CERS6: variants seen among roughly 807,000 people sequenced by gnomAD.
CERS6 encodes the protein LAG1 homolog, ceramide synthase 6.
A neutral mutation model predicts 56.8 loss-of-function variants in CERS6; 26 were observed. The ratio of observed to expected loss-of-function variants is 0.46; its 90% confidence interval spans 0.34 to 0.63. The LOEUF is 0.63. Among genes scored for constraint, CERS6 ranks in the 30% least tolerant of loss-of-function variants. The probability of loss-of-function intolerance (pLI) is 0.01; values close to 1 mark genes in which losing one functional copy is unlikely to be tolerated. For synonymous variants in CERS6, 164 were observed against 173.3 expected, an observed-to-expected ratio of 0.95 and a Z score of 0.42; for missense variants, 415 against 467.5, an observed-to-expected ratio of 0.89 and a Z score of 1.04.
At chr2:168,766,847 C>T (rs954589076) in intron 9 of CERS6, among the ~76,000 whole-genome samples, 4 of 152,180 alleles carry the variant, frequency 2.6e-5, no homozygotes, top group Non-Finnish European at 5.9e-5. Flanking sequence ...CAGGGGAAGT[C>T]GGGGCATCTA....
intron 1 of CERS6, among the ~76,000 whole-genome samples, chr2:168,509,910 A>AACAG (rs2105349861): frequency 6.6e-6 from 1 of 152,260 alleles, no homozygotes; most frequent in East Asian, 1.9e-4. Flanking sequence ...TAAACAAACA[A>AACAG]ACAAACACAG....
chr2:168,551,432 G>C (rs763824578), intron 2 of CERS6, among the ~76,000 whole-genome samples: 7 of 152,114 alleles, frequency 4.6e-5, no homozygotes, highest in African/African-American at 7.2e-5. Flanking sequence ...GCTCTGCTGC[G>C]TCCCGTCATT....
intron 1 of CERS6, among the ~76,000 whole-genome samples, chr2:168,532,403 C>CT (rs768011940): frequency 5.9e-5 from 9 of 151,924 alleles, no homozygotes; most frequent in Non-Finnish European, 1.3e-4. Flanking sequence ...GTTGATAACA[C>CT]TTTTTTTGGA....
intron 5 of CERS6, among the ~76,000 whole-genome samples, chr2:168,694,348 TAG>T (rs1421250436): frequency 1.3e-5 from 2 of 152,206 alleles, no homozygotes; most frequent in Non-Finnish European, 2.9e-5. Flanking sequence ...TGCTGAGCTG[TAG>T]AGCTGAGACG....
chr2:168,496,590 A>T (rs557889811), intron 1 of CERS6, among the ~76,000 whole-genome samples: 18 of 152,290 alleles, frequency 1.2e-4, no homozygotes, highest in African/African-American at 1.9e-4. Flanking sequence ...AGTGAGCACA[A>T]CACTTTCTTA....
chr2:168,725,251 C>T (rs958063528), intron 8 of CERS6, among the ~76,000 whole-genome samples: 28 of 152,374 alleles, frequency 1.8e-4, no homozygotes, highest in South Asian at 6.2e-4. Flanking sequence ...AAGCGCTGCA[C>T]GCAGCCCTGG....
chr2:168,726,482 A>G (rs1683358574), intron 8 of CERS6, among the ~76,000 whole-genome samples: 1 of 152,238 alleles, frequency 6.6e-6, no homozygotes, highest in Non-Finnish European at 1.5e-5. Flanking sequence ...TCAGTGATAC[A>G]TTAGAATCTG....
chr2:168,564,860 TC>T (rs1177484957), intron 3 of CERS6, among the ~76,000 whole-genome samples: 1 of 152,234 alleles, frequency 6.6e-6, no homozygotes, highest in Non-Finnish European at 1.5e-5. Flanking sequence ...CCTATCTATT[TC>T]AATTCCAATT....
intron 3 of CERS6, among the ~76,000 whole-genome samples, chr2:168,624,636 A>G (rs1419687652): frequency 6.6e-6 from 1 of 152,154 alleles, no homozygotes; most frequent in African/African-American, 2.4e-5. Context: ...AACCTACTAT[A>G]AGTAAAAGGA....
At chr2:168,537,418 C>T (rs1349758431) in intron 1 of CERS6, among the ~76,000 whole-genome samples, 8 of 152,070 alleles carry the variant, frequency 5.3e-5, no homozygotes, top group African/African-American at 1.9e-4. Flanking sequence ...TTAACAATGC[C>T]TCTTTAATTT....
chr2:168,501,886 G>A (rs1425499516), intron 1 of CERS6, among the ~76,000 whole-genome samples: 5 of 152,186 alleles, frequency 3.3e-5, no homozygotes, highest in Admixed American at 6.5e-5. Flanking sequence ...TTGGCCGCCC[G>A]CAGACCTGTG....
chr2:168,736,084 GT>G (rs778306157), intron 8 of CERS6, among the ~76,000 whole-genome samples: 12 of 151,998 alleles, frequency 7.9e-5, no homozygotes, highest in Non-Finnish European at 1.6e-4. Context: ...GCATGGTGGT[GT>G]TTTGATTTGG....
chr2:168,708,801 T>C (rs749922053), intron 6 of CERS6, among the ~76,000 whole-genome samples: 3 of 152,168 alleles, frequency 2.0e-5, no homozygotes, highest in Admixed American at 6.5e-5. Flanking sequence ...ATAAAGAGGT[T>C]CACTAATGTT....
intron 3 of CERS6, among the ~76,000 whole-genome samples, chr2:168,608,334 A>T (rs1684102881): frequency 6.6e-6 from 1 of 152,196 alleles, no homozygotes; most frequent in Non-Finnish European, 1.5e-5. Context: ...GAACATTCGG[A>T]TAGAAGCCTT....
At chr2:168,730,523 C>T (rs897166227) in intron 8 of CERS6, among the ~76,000 whole-genome samples, 5 of 152,108 alleles carry the variant, frequency 3.3e-5, no homozygotes, top group Non-Finnish European at 5.9e-5. Context: ...TCCATGCAGT[C>T]GTCCAAGGAA....
intron 1 of CERS6, among the ~76,000 whole-genome samples, chr2:168,468,635 A>C (rs1693924198): frequency 6.6e-6 from 1 of 152,190 alleles, no homozygotes; most frequent in Non-Finnish European, 1.5e-5. Flanking sequence ...GTGTTTGTTG[A>C]AACTCTTATT....
At chr2:168,729,788 A>G (rs1389822387) in intron 8 of CERS6, among the ~76,000 whole-genome samples, 1 of 152,114 alleles carries the variant, frequency 6.6e-6, no homozygotes, top group African/African-American at 2.4e-5. Context: ...TTAACTTTTG[A>G]TATCTTTGTG....
At chr2:168,766,781 T>C (rs1265819445) in intron 9 of CERS6, among the ~76,000 whole-genome samples, 1 of 152,186 alleles carries the variant, frequency 6.6e-6, no homozygotes, top group Admixed American at 6.5e-5. Flanking sequence ...CCTGGGGCCA[T>C]ATGGCAGCAC....
At chr2:168,623,245 G>A (rs77470115) in intron 3 of CERS6, among the ~76,000 whole-genome samples, 2,621 of 152,242 alleles carry the variant, frequency 0.017, 104 homozygotes, top group East Asian at 0.16. Context: ...GTGATTACCA[G>A]GGATAGGAGT....
Sources: gnomAD v4.1 joint callset for allele counts (sites outside exome capture counted in the v4.1 genomes callset) on GRCh38, gnomAD v4.1.1 for gene constraint, MANE v1.5 for transcripts, NCBI Gene and HGNC (gene_info 2026-07-23, HGNC 2026-07-21) for gene names.